GOLGA4: variants seen among roughly 807,000 people sequenced by gnomAD.
GOLGA4 encodes golgin A4, also known as golgin subfamily A member 4.
GOLGA4 carries 169 observed loss-of-function variants against 265.9 expected under a neutral mutation model. The ratio of observed to expected loss-of-function variants is 0.64; its 90% CI spans 0.56 to 0.72. The LOEUF is 0.72. Ranked by LOEUF, GOLGA4 falls within the 30% of genes least tolerant of loss-of-function variation. The pLI is 0.00. For synonymous variants in GOLGA4, 923 were observed against 855.8 expected, an observed-to-expected ratio of 1.08 and a Z score of -1.37; for missense variants, 2,482 against 2,483.4, an observed-to-expected ratio of 1.00 and a Z score of 0.01.
At chr3:37,267,170 A>G (rs763313983) in intron 2 of GOLGA4, among the ~76,000 whole-genome samples, 10 of 152,208 alleles carry the variant, frequency 6.6e-5, no homozygotes, top group Non-Finnish European at 1.3e-4. Flanking sequence ...GTTTTCGCTA[A>G]TGTAGCTACT....
chr3:37,300,610 A>G (rs1174438643), intron 9 of GOLGA4, among the ~76,000 whole-genome samples: 1 of 152,126 alleles, frequency 6.6e-6, no homozygotes, highest in Non-Finnish European at 1.5e-5. Flanking sequence ...ATCTTGTTTC[A>G]TCTGTACCTT....
At position 37,337,744 on chromosome 3, in the gene GOLGA4, T is replaced by C; in HGVS notation, c.6396+10T>C. On this transcript the variant is annotated intron_variant, in intron 19 of 23. Transcript: ENST00000361924. ...AGAGTTCAGAGAACAGGTACAGGCC[T>C]AATTGGTACCTTTTATTTTGAACTA... 1 of 1,532,756 alleles carries C rather than the reference T, an allele frequency of 6.5e-7. No homozygotes were observed. 94.9% of individuals were successfully genotyped at this position (1,532,756 alleles called of 1,614,324 possible).
chr3:37,326,354 C>G lies in GOLGA4; in HGVS notation c.4468C>G (p.Gln1490Glu), dbSNP rs1461151129. The G allele has an allele frequency of 1.2e-6, 2 of 1,612,372 alleles. No homozygotes were observed. Among genetic ancestry groups the G allele is most frequent in the Non-Finnish European group, 1.7e-6 (2 of 1,179,492 alleles). ...QINLLKEELD[Q>E]QNKRFDCLKG... The stretch of plus-strand genomic sequence containing the variant: ...AAATTTATTGAAGGAAGAGCTTGAT[C>G]AGCAAAATAAAAGATTTGATTGTTT... The change falls in exon 14 of 24, where the codon CAG becomes GAG. Residue 1490 changes from glutamine (Q) to glutamate (E), a missense_variant. Gln to Glu is a conservative substitution (Grantham distance 29, BLOSUM62 2). Transcript: ENST00000361924.
intron 17 of GOLGA4, among the ~76,000 whole-genome samples, chr3:37,336,806 AAGAG>A (rs545509310): frequency 2.0e-3 from 297 of 151,610 alleles, no homozygotes; most frequent in Non-Finnish European, 3.0e-3. Context: ...AAGAGAAAGA[AAGAG>A]AGAAAGAGAG....
chr3:37,257,684 C>G (rs936985330), intron 2 of GOLGA4, among the ~76,000 whole-genome samples: 6 of 151,228 alleles, frequency 4.0e-5, no homozygotes, highest in Non-Finnish European at 8.8e-5. Flanking sequence ...CTCTGTGTCA[C>G]TTTGCCTATT....
intron 19 of GOLGA4, 23 bp downstream of exon 19, chr3:37,337,757 T>A (rs2097019293): frequency 6.8e-7 from 1 of 1,480,736 alleles, no homozygotes; most frequent in African/African-American, 1.4e-5. Context: ...TTGGTACCTT[T>A]TATTTTGAAC....
At chr3:37,266,767 C>A in intron 2 of GOLGA4, 2 of 631,548 alleles carry the variant, frequency 3.2e-6, no homozygotes, top group Non-Finnish European at 5.0e-6. Context: ...GAACACTTTG[C>A]AACATGCCAT....
chr3:37,341,135 A>T (rs1372946897), intron 20 of GOLGA4, among the ~76,000 whole-genome samples: 1 of 145,804 alleles, frequency 6.9e-6, no homozygotes, highest in Non-Finnish European at 1.5e-5. Context: ...CCATTGCACT[A>T]AAAAAAAAAA....
In GOLGA4 at chr3:37,324,848, A is replaced by G. The variant is rs370998054; in HGVS notation, c.2962A>G (p.Thr988Ala). Residue 988 changes from threonine to alanine, a missense_variant, in exon 14 of 24, where the codon ACT becomes GCT. By Grantham distance (58) the Thr-to-Ala change is moderately conservative. Coordinates refer to ENST00000361924, the MANE Select transcript of GOLGA4 (RefSeq NM_002078.5). ...EAKLKKELEN[T>A]ALELSQKEKQ... ...CAAACTTAAGAAAGAGCTTGAAAAT[A>G]CTGCTCTAGAGCTTAGTCAGAAAGA... The G allele has an allele frequency of 7.7e-5, 122 of 1,584,582 alleles. No individual in the cohort carries two copies. Among genetic ancestry groups the G allele is most frequent in the Non-Finnish European group, 9.4e-5 (110 of 1,172,406 alleles).
At chr3:37,338,836 A>G (rs1197733348) in intron 19 of GOLGA4, among the ~76,000 whole-genome samples, 1 of 150,706 alleles carries the variant, frequency 6.6e-6, no homozygotes, top group Non-Finnish European at 1.5e-5. Flanking sequence ...TGGAATAATA[A>G]CAATACTTGA....
intron 17 of GOLGA4, among the ~76,000 whole-genome samples, chr3:37,335,715 T>G (rs1335545915): frequency 6.6e-6 from 1 of 151,996 alleles, no homozygotes; most frequent in Non-Finnish European, 1.5e-5. Context: ...AAAATTGGAC[T>G]GAATTCAAAG....
At chr3:37,337,321 C>G (rs1194270983) in intron 18 of GOLGA4, among the ~76,000 whole-genome samples, 158 bp downstream of exon 18, 1 of 151,914 alleles carries the variant, frequency 6.6e-6, no homozygotes, top group East Asian at 1.9e-4. Flanking sequence ...GCCTTAGTCT[C>G]CCAAATAGCT....
In GOLGA4 at chr3:37,326,853, TATCTC is replaced by T; in HGVS notation, c.4969_4973del (p.Ser1657AsnfsTer9). On this transcript the variant is annotated frameshift_variant, in exon 14 of 24. Transcript: ENST00000361924. LOFTEE classifies it high-confidence loss of function. ...ATTGCTGCCATTAAGAAGCAGTTGT[TATCTC>T]AAATGGAAGAGAAAGAAGAACAGTA... 2 of 1,613,640 alleles carry T rather than the reference TATCTC, an allele frequency of 1.2e-6. No homozygotes were observed. Among genetic ancestry groups the T allele is most frequent in the Non-Finnish European group, 1.7e-6 (2 of 1,179,820 alleles).
At chr3:37,269,002 A>G (rs953257480) in intron 2 of GOLGA4, among the ~76,000 whole-genome samples, 4 of 152,226 alleles carry the variant, frequency 2.6e-5, no homozygotes, top group African/African-American at 7.2e-5. Context: ...AAGTTTTTTG[A>G]AAAATGCAGC....
intron 10 of GOLGA4, among the ~76,000 whole-genome samples, chr3:37,306,135 G>A (rs1413662093): frequency 1.3e-5 from 2 of 152,144 alleles, no homozygotes; most frequent in Admixed American, 1.3e-4. Context: ...ATTTCAGGAT[G>A]GTGTATCAAC....
chr3:37,317,161 A>C (rs1008319870), intron 11 of GOLGA4, among the ~76,000 whole-genome samples: 1 of 151,772 alleles, frequency 6.6e-6, no homozygotes, highest in Non-Finnish European at 1.5e-5. Flanking sequence ...GCAAGTTATG[A>C]ATTTTTTTTC....
At chr3:37,337,018 C>G (rs1381590450) in intron 17 of GOLGA4, 125 bp from the exon 18 acceptor site, 12 of 668,556 alleles carry the variant, frequency 1.8e-5, no homozygotes, top group Non-Finnish European at 3.1e-5. Flanking sequence ...TACCTCAAGT[C>G]TGACCACTCC....
intron 2 of GOLGA4, chr3:37,276,298 A>C: frequency 6.3e-7 from 1 of 1,597,758 alleles, no homozygotes; most frequent in Non-Finnish European, 8.6e-7. Context: ...AAGATGCAAA[A>C]AATCCAAATT....
intron 21 of GOLGA4, among the ~76,000 whole-genome samples, chr3:37,354,773 A>G (rs1578860558): frequency 6.6e-6 from 1 of 152,116 alleles, no homozygotes; most frequent in Non-Finnish European, 1.5e-5. Flanking sequence ...ATCACTTACT[A>G]GATAGATTTC....
Sources: gnomAD v4.1 joint callset for allele counts (sites outside exome capture counted in the v4.1 genomes callset) on GRCh38, gnomAD v4.1.1 for gene constraint, MANE v1.5 for transcripts, NCBI Gene and HGNC (gene_info 2026-07-23, HGNC 2026-07-21) for gene names.